The following PHC3 variants were observed in gnomAD, a reference collection of about 807,000 sequenced individuals.
PHC3 encodes polyhomeotic-like protein 3.
A neutral mutation model predicts 107.4 loss-of-function variants in PHC3; 13 were observed. The ratio of observed to expected loss-of-function variants is 0.12; its 90% CI spans 0.08 to 0.19. The LOEUF is 0.19. Among genes scored for constraint, PHC3 ranks in the 10% least tolerant of loss-of-function variants. PHC3 has a pLI of 1.00. For synonymous variants in PHC3, 456 were observed against 427.4 expected, an observed-to-expected ratio of 1.07 and a Z score of -0.83; for missense variants, 992 against 1,210.9, an observed-to-expected ratio of 0.82 and a Z score of 2.68.
chr3:170,143,455 T>G (rs1050519433), intron 6 of PHC3, among the ~76,000 whole-genome samples: 4 of 151,826 alleles, frequency 2.6e-5, no homozygotes, highest in Admixed American at 2.6e-4. Context: ...AAATAATATA[T>G]AGAGGTTTTA....
At chr3:170,158,271 T>C (rs1727213555) in intron 4 of PHC3, among the ~76,000 whole-genome samples, 1 of 152,156 alleles carries the variant, frequency 6.6e-6, no homozygotes, top group Non-Finnish European at 1.5e-5. Flanking sequence ...TTCAATGTGA[T>C]CCTTAATTAA....
At chr3:170,105,998 G>A (rs953080080) in intron 12 of PHC3, among the ~76,000 whole-genome samples, 7 of 152,182 alleles carry the variant, frequency 4.6e-5, no homozygotes, top group African/African-American at 1.7e-4. Context: ...GATCACCTGA[G>A]GTCAGGAGTT....
At chr3:170,104,837 G>C (rs1238973530) in intron 12 of PHC3, among the ~76,000 whole-genome samples, 2 of 152,042 alleles carry the variant, frequency 1.3e-5, no homozygotes, top group Admixed American at 6.6e-5. Flanking sequence ...CTCATTTGTG[G>C]GCTCAGCAAT....
intron 6 of PHC3, among the ~76,000 whole-genome samples, chr3:170,145,007 C>G (rs1329067679): frequency 6.6e-6 from 1 of 152,204 alleles, no homozygotes; most frequent in Non-Finnish European, 1.5e-5. Flanking sequence ...TGCACCTGAC[C>G]AATTTTTTAA....
At chr3:170,176,744 G>A (rs752453695) in intron 2 of PHC3, 4 of 253,250 alleles carry the variant, frequency 1.6e-5, no homozygotes, top group Non-Finnish European at 3.3e-5. Context: ...TATTCAATAA[G>A]TATTAGCTAT....
At chr3:170,153,003 C>G (rs1726272505) in intron 4 of PHC3, among the ~76,000 whole-genome samples, 1 of 152,148 alleles carries the variant, frequency 6.6e-6, no homozygotes, top group African/African-American at 2.4e-5. Flanking sequence ...TATCTACTTC[C>G]ACGGTTTCAA....
At chr3:170,109,777 C>A (rs1293350969) in intron 11 of PHC3, among the ~76,000 whole-genome samples, 7 of 152,096 alleles carry the variant, frequency 4.6e-5, no homozygotes, top group Non-Finnish European at 8.8e-5. Flanking sequence ...CATTATAGAA[C>A]CAGTCTAAAG....
At chr3:170,156,355 C>T (rs1463988102) in intron 4 of PHC3, among the ~76,000 whole-genome samples, 1 of 152,152 alleles carries the variant, frequency 6.6e-6, no homozygotes, top group Middle Eastern at 3.2e-3. Flanking sequence ...CTCCTGGGTT[C>T]AAGTGCTTCT....
chr3:170,171,761 C>A (rs1022191504), intron 3 of PHC3, among the ~76,000 whole-genome samples: 62 of 152,276 alleles, frequency 4.1e-4, no homozygotes, highest in African/African-American at 1.3e-3. Context: ...GAAATTAGAG[C>A]TACAGCAAGA....
chr3:170,113,649 A>T (rs1380775401), intron 10 of PHC3, 130 bp from the exon 11 acceptor site: 34 of 808,384 alleles, frequency 4.2e-5, no homozygotes, highest in Non-Finnish European at 6.1e-5. Context: ...AGATCCATTT[A>T]GTAAGTGCCT....
At chr3:170,180,072 A>C (rs1160362352) in intron 1 of PHC3, among the ~76,000 whole-genome samples, 1 of 151,982 alleles carries the variant, frequency 6.6e-6, no homozygotes, top group East Asian at 1.9e-4. Flanking sequence ...TTTAAGTACA[A>C]ATTTTCTTTG....
At chr3:170,139,537 G>A (rs555845606) in intron 6 of PHC3, among the ~76,000 whole-genome samples, 8 of 152,218 alleles carry the variant, frequency 5.3e-5, no homozygotes, top group African/African-American at 1.7e-4. Context: ...CAATGAACCC[G>A]AAACCTGCAG....
chr3:170,146,869 T>C (rs531355757), intron 5 of PHC3, among the ~76,000 whole-genome samples: 1 of 145,608 alleles, frequency 6.9e-6, no homozygotes, highest in East Asian at 2.0e-4. Flanking sequence ...GCCATTAATC[T>C]ATTTTTTCTT....
intron 4 of PHC3, among the ~76,000 whole-genome samples, chr3:170,169,075 T>C (rs1483068487): frequency 6.6e-6 from 1 of 151,990 alleles, no homozygotes; most frequent in Non-Finnish European, 1.5e-5. Context: ...TGTGCAAAAA[T>C]TTCAGATTTT....
In PHC3 at chr3:170,102,512, C is replaced by G; in HGVS notation, c.2800G>C (p.Asp934His). The G allele has an allele frequency of 5.6e-6, 9 of 1,613,776 alleles. No homozygotes were observed. The highest frequency in any genetic ancestry group is 7.6e-6 in the Non-Finnish European group (9 of 1,179,806). ...AQTEPSIWTVDDVWAFIHSLP... is the reference protein window; with the variant it reads ...AQTEPSIWTVHDVWAFIHSLP... ...GAATGGATGAAGGCCCAGACATCAT[C>G]AACTGTCCATATAGATGGCTCTGTT... The change falls in exon 14 of 15, where the codon GAT becomes CAT. Residue 934 changes from aspartate (D) to histidine (H), a missense_variant. By Grantham distance (81) the Asp-to-His change is moderately conservative. This residue lies in a region of PHC3 where 228 missense variants were observed against 288.8 expected (regional missense o/e 0.79). Transcript: ENST00000495893.
intron 6 of PHC3, among the ~76,000 whole-genome samples, chr3:170,144,296 G>C (rs901183166): frequency 1.3e-5 from 2 of 151,448 alleles, no homozygotes; most frequent in Non-Finnish European, 1.5e-5. Flanking sequence ...AGCGGAGACG[G>C]TGCCACTGTA....
intron 2 of PHC3, among the ~76,000 whole-genome samples, chr3:170,174,978 T>C (rs759829095): frequency 6.6e-6 from 1 of 152,234 alleles, no homozygotes; most frequent in Admixed American, 6.5e-5. Flanking sequence ...ATTTGACACA[T>C]ACTTTTGTCA....
Position 170,101,253 on chromosome 3 carries a change from A to AT in PHC3, c.2833+1225dup, listed in dbSNP as rs144019385. Among the ~76,000 whole-genome samples the AT allele has an allele frequency of 3.0e-3, 453 of 152,264 alleles. 4 individuals carry two copies. The highest frequency in any genetic ancestry group is 0.011 in the African/African-American group (437 of 41,560). ...TCCATCTTTCTTTAAAAGTGGCCAT[A>AT]TTTTTTTAAAACTTAGCATTTCTAA... On this transcript the variant is annotated intron_variant, in intron 14 of 14. Coordinates refer to ENST00000495893, the MANE Select transcript of PHC3 (RefSeq NM_024947.4).
intron 7 of PHC3, among the ~76,000 whole-genome samples, chr3:170,133,247 C>T (rs897917981): frequency 4.0e-5 from 6 of 150,260 alleles, no homozygotes; most frequent in Non-Finnish European, 5.9e-5. Context: ...GGTGTGATCT[C>T]GACTCACTGC....
Sources: gnomAD v4.1 joint callset for allele counts (sites outside exome capture counted in the v4.1 genomes callset) on GRCh38, gnomAD v4.1.1 for gene constraint, gnomAD v4.1.1 regional missense constraint, MANE v1.5 for transcripts, NCBI Gene and HGNC (gene_info 2026-07-23, HGNC 2026-07-21) for gene names.